PDE1C: variants seen among roughly 807,000 people sequenced by gnomAD.
PDE1C encodes the protein dual specificity calcium/calmodulin-dependent 3',5'-cyclic nucleotide phosphodiesterase 1C.
A neutral mutation model predicts 93.1 loss-of-function variants in PDE1C; 62 were observed. The ratio of observed to expected loss-of-function variants is 0.67; its 90% confidence interval spans 0.54 to 0.82. PDE1C has a LOEUF of 0.82. PDE1C is among the 40% of genes least tolerant of loss of function. PDE1C has a pLI of 0.00. For synonymous variants in PDE1C, 325 were observed against 310.1 expected (o/e 1.05, Z -0.50); for missense variants, 742 against 884.6 (o/e 0.84, Z 2.04).
chr7:31,812,116 T>C (rs1054282199), intron 15 of PDE1C, among the ~76,000 whole-genome samples: 5 of 152,136 alleles, frequency 3.3e-5, no homozygotes, highest in African/African-American at 1.2e-4. Flanking sequence ...GCTGCTGTAA[T>C]ATAGTCCCGA....
chr7:32,283,345 T>C (rs747428582), intron 1 of PDE1C, among the ~76,000 whole-genome samples: 1 of 152,200 alleles, frequency 6.6e-6, no homozygotes, highest in Non-Finnish European at 1.5e-5. Context: ...AACAACTTTT[T>C]TTTTGTTCAG....
chr7:32,126,708 A>G (rs972971396), intron 3 of PDE1C, among the ~76,000 whole-genome samples: 2 of 152,176 alleles, frequency 1.3e-5, no homozygotes, highest in Non-Finnish European at 1.5e-5. Context: ...ATGAAATAGA[A>G]GAGTGAAATA....
chr7:32,032,208 A>C (rs1790424149), intron 2 of PDE1C, among the ~76,000 whole-genome samples: 1 of 152,214 alleles, frequency 6.6e-6, no homozygotes, highest in African/African-American at 2.4e-5. Context: ...AGAAAAGCCC[A>C]CATGGGGTCC....
intron 3 of PDE1C, among the ~76,000 whole-genome samples, chr7:32,108,691 G>A (rs1304281728): frequency 6.6e-6 from 1 of 152,150 alleles, no homozygotes; most frequent in African/African-American, 2.4e-5. Flanking sequence ...TCTAATAAGT[G>A]TGTAAGGTGC....
At chr7:31,673,081 A>G in the PDE1C span, among the ~76,000 whole-genome samples, 1 of 152,042 alleles carries the variant, frequency 6.6e-6, no homozygotes, top group Non-Finnish European at 1.5e-5. Flanking sequence ...AGTCAACTAA[A>G]CCTCTTTCCT....
At chr7:31,797,303 T>C (rs140442276) in intron 16 of PDE1C, among the ~76,000 whole-genome samples, 5 of 151,878 alleles carry the variant, frequency 3.3e-5, no homozygotes, top group East Asian at 3.9e-4. Context: ...ATTCCTTCAT[T>C]AAAGAAATGT....
intron 3 of PDE1C, among the ~76,000 whole-genome samples, chr7:32,144,589 A>G (rs1800722130): frequency 6.6e-6 from 1 of 152,208 alleles, no homozygotes. Flanking sequence ...AAGGGAAACC[A>G]GGCTGCTGTC....
chr7:31,741,122 T>C, the PDE1C span, among the ~76,000 whole-genome samples: 7 of 152,282 alleles, frequency 4.6e-5, no homozygotes, highest in African/African-American at 1.4e-4. Flanking sequence ...TGTTTAACGA[T>C]ATTTATAATA....
chr7:32,145,722 C>T (rs1304776097), intron 3 of PDE1C, among the ~76,000 whole-genome samples: 1 of 151,886 alleles, frequency 6.6e-6, no homozygotes, highest in African/African-American at 2.4e-5. Flanking sequence ...CTTTCATCTA[C>T]CTCTATTTAT....
At chr7:32,332,298 T>C (rs533831786) in intron 1 of PDE1C, among the ~76,000 whole-genome samples, 59 of 152,200 alleles carry the variant, frequency 3.9e-4, no homozygotes, top group African/African-American at 1.4e-3. Context: ...TTCCTTAGCA[T>C]TAGAGAAACA....
the PDE1C span, among the ~76,000 whole-genome samples, chr7:31,632,928 C>A: frequency 6.6e-6 from 1 of 151,600 alleles, no homozygotes; most frequent in Admixed American, 6.6e-5. Flanking sequence ...CACTCTGTCG[C>A]CAGGCTGGAG....
chr7:32,272,777 G>A (rs1811050901), intron 1 of PDE1C, among the ~76,000 whole-genome samples: 1 of 152,164 alleles, frequency 6.6e-6, no homozygotes, highest in South Asian at 2.1e-4. Context: ...TCTAGTCAAT[G>A]AGATTTGAGG....
At chr7:32,240,744 A>AT (rs1808487951) in intron 1 of PDE1C, among the ~76,000 whole-genome samples, 1 of 152,182 alleles carries the variant, frequency 6.6e-6, no homozygotes, top group South Asian at 2.1e-4. Flanking sequence ...GAGCAGGGAT[A>AT]TGACCTGACA....
chr7:31,691,641 A>T, the PDE1C span, among the ~76,000 whole-genome samples: 2 of 151,914 alleles, frequency 1.3e-5, no homozygotes, highest in Non-Finnish European at 2.9e-5. Context: ...GAGGGTGGGG[A>T]CGGGGACAGA....
chr7:32,250,875 G>A (rs1029696876), intron 1 of PDE1C, among the ~76,000 whole-genome samples: 4 of 152,184 alleles, frequency 2.6e-5, no homozygotes, highest in Non-Finnish European at 4.4e-5. Flanking sequence ...GTAACACACC[G>A]CAAAGGCATC....
intron 2 of PDE1C, among the ~76,000 whole-genome samples, chr7:31,934,581 CTAGCT>C (rs1426056060): frequency 6.6e-6 from 1 of 151,156 alleles, no homozygotes; most frequent in Non-Finnish European, 1.5e-5. Context: ...AAAAATCACA[CTAGCT>C]TACGTGAGTT....
chr7:31,685,072 T>C, the PDE1C span, among the ~76,000 whole-genome samples: 1 of 151,442 alleles, frequency 6.6e-6, no homozygotes, highest in Admixed American at 6.6e-5. Context: ...AAAGAACAAA[T>C]TATTGACACA....
the PDE1C span, chr7:31,695,732 C>A: frequency 9.5e-7 from 1 of 1,049,648 alleles, no homozygotes; most frequent in Non-Finnish European, 1.4e-6. Flanking sequence ...GTAATTTGTG[C>A]ACTCCCCACC....
intron 3 of PDE1C, among the ~76,000 whole-genome samples, chr7:32,082,274 T>A (rs1208711745): frequency 6.6e-6 from 1 of 152,238 alleles, no homozygotes. Context: ...CACAGCAGTC[T>A]GAGATCAAAC....
Sources: gnomAD v4.1 joint callset for allele counts (sites outside exome capture counted in the v4.1 genomes callset) on GRCh38, gnomAD v4.1.1 for gene constraint, MANE v1.5 for transcripts, NCBI Gene and HGNC (gene_info 2026-07-23, HGNC 2026-07-21) for gene names.